Variants in BBX observed in about 807,000 individuals in gnomAD.
BBX encodes BBX high mobility group box domain containing, also known as HMG box transcription factor BBX.
BBX carries 30 observed loss-of-function variants against 100.2 expected under a neutral mutation model. That is an observed-to-expected ratio of 0.30 (90% CI 0.22 to 0.41). The LOEUF is 0.41. Ranked by LOEUF, BBX falls within the 10% of genes least tolerant of loss-of-function variation. BBX has a pLI of 1.00. For missense variants in BBX, 1,023 were observed against 1,129.8 expected, an observed-to-expected ratio of 0.91 and a Z score of 1.35; for synonymous variants, 376 against 388.1, an observed-to-expected ratio of 0.97 and a Z score of 0.37.
chr3:107,765,697 G>A (rs1484133318), intron 10 of BBX, among the ~76,000 whole-genome samples: 5 of 152,106 alleles, frequency 3.3e-5, no homozygotes, highest in Admixed American at 2.6e-4. Flanking sequence ...GATGGCTGCC[G>A]ACTGCCTTTC....
intron 2 of BBX, among the ~76,000 whole-genome samples, chr3:107,590,359 C>T (rs994520578): frequency 1.3e-5 from 2 of 152,086 alleles, no homozygotes; most frequent in Non-Finnish European, 2.9e-5. Flanking sequence ...TGGGATATCA[C>T]CTCAAACATG....
chr3:107,666,238 A>T (rs561409643), intron 3 of BBX, among the ~76,000 whole-genome samples: 23 of 152,338 alleles, frequency 1.5e-4, no homozygotes, highest in Middle Eastern at 6.8e-3. Flanking sequence ...AGGGTCCTGG[A>T]CAGAGAGCTA....
intron 1 of BBX, chr3:107,524,312 A>C (rs1253876757): frequency 2.6e-5 from 4 of 152,108 alleles, no homozygotes; most frequent in Admixed American, 2.0e-4. Context: ...CTCGTGTTAC[A>C]CTGTTATTTG....
intron 13 of BBX, among the ~76,000 whole-genome samples, chr3:107,780,027 T>C (rs977421052): frequency 1.3e-5 from 2 of 152,062 alleles, no homozygotes; most frequent in Admixed American, 6.6e-5. Flanking sequence ...GAAAATAAAA[T>C]AGGGTCGTAT....
intron 3 of BBX, among the ~76,000 whole-genome samples, chr3:107,666,601 C>T (rs142846950): frequency 4.5e-4 from 68 of 152,328 alleles, no homozygotes; most frequent in African/African-American, 1.6e-3. Context: ...GAGTCTCGCT[C>T]TATTGGCAGA....
intron 2 of BBX, among the ~76,000 whole-genome samples, chr3:107,596,908 C>G (rs1355207352): frequency 6.6e-6 from 1 of 152,128 alleles, no homozygotes; most frequent in East Asian, 1.9e-4. Flanking sequence ...AGTTTTTTCA[C>G]TCTGTAATGG....
Position 107,801,098 on chromosome 3 carries a change from A to G in BBX, c.2555A>G (p.Asp852Gly). ...ATGGATTTCTCTTTTGTTACAGATG[A>G]CAAACCAAAGGAACAACTGCAGAGG... ...RVSPAGGTLD[D>G]KPKEQLQRSL... The change falls in exon 17 of 18, where the codon GAC (aspartate) becomes GGC (glycine). Residue 852 changes from aspartate (D) to glycine (G), a missense_variant. Coordinates refer to ENST00000325805, the MANE Select transcript of BBX (RefSeq NM_001142568.3). 6.2e-7 allele frequency: 1 copy of G among 1,613,924 alleles called. No homozygotes were observed. The highest frequency in any genetic ancestry group is 8.5e-7 in the Non-Finnish European group (1 of 1,179,914).
intron 15 of BBX, among the ~76,000 whole-genome samples, chr3:107,795,638 T>TTG (rs397733038): frequency 1.4e-5 from 2 of 146,382 alleles, no homozygotes; most frequent in Non-Finnish European, 3.0e-5. Context: ...TTTTTTTTTT[T>TTG]GCCTCTTCCA....
chr3:107,704,412 C>T (rs530567937), intron 3 of BBX, among the ~76,000 whole-genome samples: 12 of 152,196 alleles, frequency 7.9e-5, no homozygotes, highest in South Asian at 4.1e-4. Flanking sequence ...CTTTTGTGGA[C>T]GTGGAGATGT....
chr3:107,630,922 C>G (rs1461717623), intron 2 of BBX, among the ~76,000 whole-genome samples: 2 of 152,162 alleles, frequency 1.3e-5, no homozygotes, highest in Non-Finnish European at 2.9e-5. Context: ...TGTGAAGGTT[C>G]CCTGAGATTT....
At chr3:107,745,711 G>C (rs866455349) in intron 8 of BBX, among the ~76,000 whole-genome samples, 4 of 151,842 alleles carry the variant, frequency 2.6e-5, no homozygotes, top group African/African-American at 9.7e-5. Flanking sequence ...ACCTCAGCCC[G>C]TCAGAGTACT....
intron 1 of BBX, among the ~76,000 whole-genome samples, chr3:107,525,864 C>T (rs1450546796): frequency 6.6e-6 from 1 of 152,184 alleles, no homozygotes; most frequent in Non-Finnish European, 1.5e-5. Context: ...GGCTTCGATA[C>T]CTGGACCCGC....
At chr3:107,576,278 G>C (rs1382904483) in intron 2 of BBX, among the ~76,000 whole-genome samples, 1 of 152,170 alleles carries the variant, frequency 6.6e-6, no homozygotes, top group African/African-American at 2.4e-5. Context: ...CTGGCATCCA[G>C]TCTTGCCTTA....
chr3:107,779,595 T>C (rs1420825203), intron 13 of BBX, among the ~76,000 whole-genome samples: 2 of 152,130 alleles, frequency 1.3e-5, no homozygotes, highest in Admixed American at 6.6e-5. Flanking sequence ...TTCATCAAAT[T>C]GGATAATTTA....
chr3:107,531,760 G>C (rs2048175903), intron 2 of BBX, among the ~76,000 whole-genome samples: 1 of 152,084 alleles, frequency 6.6e-6, no homozygotes, highest in South Asian at 2.1e-4. Flanking sequence ...CTTCAGGTTT[G>C]GGGAATGATT....
At chr3:107,791,500 G>C (rs776961800) in intron 15 of BBX, among the ~76,000 whole-genome samples, 30 of 152,316 alleles carry the variant, frequency 2.0e-4, no homozygotes, top group Non-Finnish European at 3.4e-4. Flanking sequence ...GTGTCATGTG[G>C]TGTTTAATCT....
At chr3:107,779,628 C>T (rs1217106016) in intron 13 of BBX, among the ~76,000 whole-genome samples, 1 of 152,062 alleles carries the variant, frequency 6.6e-6, no homozygotes, top group Non-Finnish European at 1.5e-5. Flanking sequence ...TAATTCCACT[C>T]TTTTGTATTT....
chr3:107,529,701 C>T (rs1467158149), intron 2 of BBX, among the ~76,000 whole-genome samples: 1 of 152,170 alleles, frequency 6.6e-6, no homozygotes, highest in Non-Finnish European at 1.5e-5. Flanking sequence ...CAACTTCGCT[C>T]AATGTTCATA....
In BBX at chr3:107,716,668, C is replaced by T. The variant is rs199641554; in HGVS notation, c.224C>T (p.Ser75Leu). The part of the protein sequence containing the change: ...QDVGETEDDE[S>L]PEQRARRPMN... Reference sequence around the variant, plus strand: ...GTTGGTGAAACTGAAGATGATGAATCACCAGAGCAGCGAGCCCGGAGACCA... The same window carrying T: ...GTTGGTGAAACTGAAGATGATGAATTACCAGAGCAGCGAGCCCGGAGACCA... The change falls in exon 5 of 18, where the codon TCA (serine) becomes TTA (leucine). Residue 75 changes from serine (S) to leucine (L), a missense_variant. By Grantham distance (145) the Ser-to-Leu change is moderately radical. Around this residue, in one of 9 missense-constraint regions of BBX, gnomAD observed 229 missense variants for 226.3 expected, o/e 1.01. Transcript: ENST00000325805. The T allele has an allele frequency of 1.2e-4, 200 of 1,613,678 alleles. No individual in the cohort carries two copies. Among genetic ancestry groups the T allele is most frequent in the Admixed American group, 4.2e-4 (25 of 59,950 alleles).
Sources: gnomAD v4.1 joint callset for allele counts (sites outside exome capture counted in the v4.1 genomes callset) on GRCh38, gnomAD v4.1.1 for gene constraint, gnomAD v4.1.1 regional missense constraint, MANE v1.5 for transcripts, NCBI Gene and HGNC (gene_info 2026-07-23, HGNC 2026-07-21) for gene names.